The following GABRB3 variants were observed in gnomAD, a reference collection of about 807,000 sequenced individuals.
The protein encoded by GABRB3 is gamma-aminobutyric acid type A receptor subunit beta3.
In GABRB3, 14 loss-of-function variants were observed where a neutral mutation model predicts 52.1. The ratio of observed to expected loss-of-function variants is 0.27; its 90% CI spans 0.18 to 0.42. GABRB3 has a LOEUF of 0.42. GABRB3 is among the 10% of genes least tolerant of loss of function. The pLI, the probability that GABRB3 is intolerant of heterozygous loss-of-function variation, is 1.00. For synonymous variants in GABRB3, 260 were observed against 232.3 expected, an observed-to-expected ratio of 1.12 and a Z score of -1.08; for missense variants, 307 against 609.1, an observed-to-expected ratio of 0.50 and a Z score of 5.22.
At chr15:26,705,803 C>A (rs771351763) in intron 3 of GABRB3, among the ~76,000 whole-genome samples, 18 of 152,106 alleles carry the variant, frequency 1.2e-4, no homozygotes, top group Non-Finnish European at 4.4e-5. Flanking sequence ...GTGATGGTTT[C>A]CTGGGTTTTC....
rs146812155 is a variant in GABRB3, at chr15:26,624,332, C to T, written c.241-2798G>A. ...CTACTATCACCCTCCATGTTACACT[C>T]GTATTGAAATAGAAGTTTCACTTGT... On this transcript the variant is annotated intron_variant, in intron 3 of 8. Coordinates refer to ENST00000311550, the MANE Select transcript of GABRB3 (RefSeq NM_000814.6). 310 of 985,548 alleles carry T rather than the reference C, an allele frequency of 3.1e-4. 7 individuals carry two copies. The East Asian group carries it at 0.027, about 85-fold the overall frequency. 61.1% of individuals were successfully genotyped at this position (985,548 alleles called of 1,614,324 possible).
chr15:26,629,241 G>T, intron 3 of GABRB3: 4 of 1,363,414 alleles, frequency 2.9e-6, no homozygotes, highest in South Asian at 1.5e-5. Context: ...AGGGCAGCGC[G>T]GAAGCTTGGC....
intron 3 of GABRB3, among the ~76,000 whole-genome samples, chr15:26,739,580 A>G (rs1350360176): frequency 6.6e-6 from 1 of 152,100 alleles, no homozygotes; most frequent in Non-Finnish European, 1.5e-5. Flanking sequence ...AGGCAGGGTG[A>G]GCGTTCCTTT....
chr15:26,574,144 G>A (rs933818185), intron 6 of GABRB3, among the ~76,000 whole-genome samples: 4 of 152,182 alleles, frequency 2.6e-5, no homozygotes, highest in African/African-American at 7.2e-5. Context: ...TAGAGAAACA[G>A]CCAAAATAGC....
chr15:26,674,060 C>A (rs921040635), intron 3 of GABRB3, among the ~76,000 whole-genome samples: 2 of 151,178 alleles, frequency 1.3e-5, no homozygotes, highest in Non-Finnish European at 2.9e-5. Flanking sequence ...CATATTTAAC[C>A]CCCCCCTTTT....
intron 3 of GABRB3, among the ~76,000 whole-genome samples, chr15:26,741,103 G>A (rs1890197406): frequency 6.7e-6 from 1 of 149,716 alleles, no homozygotes; most frequent in Non-Finnish European, 1.5e-5. Flanking sequence ...CTTTATACAA[G>A]CACATAGCAA....
chr15:26,695,563 A>T (rs2140670981), intron 3 of GABRB3, among the ~76,000 whole-genome samples: 1 of 152,334 alleles, frequency 6.6e-6, no homozygotes, highest in Middle Eastern at 3.4e-3. Flanking sequence ...TGTTGACAGT[A>T]GTTCTGCTTT....
chr15:26,616,641 T>C (rs1892268283), intron 4 of GABRB3, among the ~76,000 whole-genome samples: 4 of 152,056 alleles, frequency 2.6e-5, no homozygotes, highest in African/African-American at 7.2e-5. Flanking sequence ...AAAAATCCAT[T>C]TATTGATTTA....
At chr15:26,642,627 A>C in intron 3 of GABRB3, 2 of 561,274 alleles carry the variant, frequency 3.6e-6, no homozygotes, top group Non-Finnish European at 3.0e-6. Context: ...CCTCCTCTCT[A>C]CCTGCATATA....
chr15:26,644,096 A>G (rs2140577518), intron 3 of GABRB3, among the ~76,000 whole-genome samples: 1 of 152,290 alleles, frequency 6.6e-6, no homozygotes, highest in South Asian at 2.1e-4. Flanking sequence ...GCAGGGATGG[A>G]CATTCAGGCC....
chr15:26,554,037 T>TATAGATATATATATATATATA (rs59100810), intron 8 of GABRB3, among the ~76,000 whole-genome samples: 1 of 58,486 alleles, frequency 1.7e-5, no homozygotes, highest in Non-Finnish European at 3.2e-5. Flanking sequence ...ATATATATAT[T>TATAGATATATATATATATATA]TATTTATTTA....
At chr15:26,626,772 C>T (rs1288928120) in intron 3 of GABRB3, among the ~76,000 whole-genome samples, 2 of 152,176 alleles carry the variant, frequency 1.3e-5, no homozygotes, top group Non-Finnish European at 2.9e-5. Flanking sequence ...GTTTAAGCAA[C>T]GAAGCCATTT....
intron 3 of GABRB3, among the ~76,000 whole-genome samples, chr15:26,700,550 C>T (rs930460634): frequency 3.3e-5 from 5 of 152,298 alleles, no homozygotes; most frequent in Admixed American, 2.6e-4. Flanking sequence ...CCCTCATGAA[C>T]ATTTTGGCAG....
intron 3 of GABRB3, among the ~76,000 whole-genome samples, chr15:26,761,092 T>G (rs1337613685): frequency 6.6e-6 from 1 of 152,160 alleles, no homozygotes; most frequent in Non-Finnish European, 1.5e-5. Context: ...TATACACTCT[T>G]CATAGAATTA....
rs1222552853 is a variant in GABRB3, at chr15:26,621,165, A to G, written c.461+149T>C. 1 of 689,270 alleles carries G rather than the reference A, an allele frequency of 1.5e-6. No individual in the cohort carries two copies. The highest frequency in any genetic ancestry group is 1.8e-5 in the African/African-American group (1 of 55,074). 42.7% of individuals were successfully genotyped at this position (689,270 alleles called of 1,614,324 possible). ...ATGCCCCAAATTTTATGGTTATGAG[A>G]TTTTTTTTTCTGCAAAGCTTTAGTG... On this transcript the variant is annotated intron_variant, in intron 4 of 8. Transcript: ENST00000311550. This position sits in a 1 kb window ranked among gnomAD's most constrained non-coding sequence, Gnocchi z 4.1.
chr15:26,724,732 A>G (rs79213164), intron 3 of GABRB3, among the ~76,000 whole-genome samples: 1,750 of 152,266 alleles, frequency 0.011, 41 homozygotes, highest in African/African-American at 0.039. Flanking sequence ...GCACATGTGC[A>G]TGGTTCTCCT....
intron 3 of GABRB3, among the ~76,000 whole-genome samples, chr15:26,716,023 G>C (rs1228116573): frequency 1.3e-5 from 2 of 152,206 alleles, no homozygotes; most frequent in Non-Finnish European, 2.9e-5. Context: ...AGAATGAAAA[G>C]CTGAGCCATG....
intron 3 of GABRB3, among the ~76,000 whole-genome samples, chr15:26,768,088 ATGAG>A (rs1891045502): frequency 6.6e-6 from 1 of 152,208 alleles, no homozygotes; most frequent in African/African-American, 2.4e-5. Flanking sequence ...AGCATAATGG[ATGAG>A]TATGTCTCAT....
intron 7 of GABRB3, among the ~76,000 whole-genome samples, chr15:26,565,369 C>T (rs1890129026): frequency 1.3e-5 from 2 of 152,094 alleles, no homozygotes; most frequent in East Asian, 1.9e-4. Flanking sequence ...TCTGGCCAGA[C>T]CCACAGCCCT....
Sources: allele counts gnomAD v4.1 joint callset (sites outside exome capture counted in the v4.1 genomes callset), GRCh38; gene constraint gnomAD v4.1.1; non-coding constraint Gnocchi (gnomAD v3.1); transcripts MANE v1.5; gene names NCBI Gene and HGNC (gene_info 2026-07-23, HGNC 2026-07-21).